EXOC6B: variants seen among roughly 807,000 people sequenced by gnomAD.
The protein encoded by EXOC6B is SEC15 homolog B.
Under a neutral mutation model 113.5 loss-of-function variants are expected in EXOC6B, and 54 were observed. The observed-to-expected ratio is 0.48, with a 90% CI of 0.38 to 0.60. EXOC6B has a LOEUF of 0.60. EXOC6B is among the 20% of genes least tolerant of loss of function. EXOC6B has a pLI of 0.00. For synonymous variants in EXOC6B, 357 were observed against 339.0 expected (o/e 1.05, Z -0.58); for missense variants, 797 against 977.5 (o/e 0.82, Z 2.46).
At chr2:72,192,133 C>A (rs1435831266) in intron 20 of EXOC6B, among the ~76,000 whole-genome samples, 6 of 152,144 alleles carry the variant, frequency 3.9e-5, no homozygotes, top group African/African-American at 1.4e-4. Context: ...TGAGCCTCAT[C>A]TCCCACGTAG....
rs529045876 is a variant in EXOC6B, at chr2:72,486,649, C to T, written c.1665+5669G>A. Among the ~76,000 whole-genome samples, 4 of 152,222 alleles carry T rather than the reference C, an allele frequency of 2.6e-5. No homozygotes were observed. The South Asian group carries it at 6.2e-4, about 24-fold the overall frequency. ...ACCATAATACTTACCCAACCACTAC[C>T]ATTTGCATTCACACACTCTGATTCT... On this transcript the variant is annotated intron_variant, in intron 16 of 21. Coordinates refer to ENST00000272427, the MANE Select transcript of EXOC6B (RefSeq NM_015189.3).
At chr2:72,744,145 G>C (rs1033293700) in intron 1 of EXOC6B, among the ~76,000 whole-genome samples, 1 of 152,154 alleles carries the variant, frequency 6.6e-6, no homozygotes, top group African/African-American at 2.4e-5. Flanking sequence ...ATATAGCCTA[G>C]GTGTGTAGTA....
chr2:72,797,325 T>C (rs1358458589), intron 1 of EXOC6B, among the ~76,000 whole-genome samples: 1 of 152,220 alleles, frequency 6.6e-6, no homozygotes, highest in Non-Finnish European at 1.5e-5. Flanking sequence ...TCTCCGATCC[T>C]CTCAGAAAAG....
At chr2:72,320,037 A>G (rs2104824620) in intron 20 of EXOC6B, among the ~76,000 whole-genome samples, 1 of 152,042 alleles carries the variant, frequency 6.6e-6, no homozygotes, top group Admixed American at 6.5e-5. Flanking sequence ...GGGTTTCACC[A>G]TGTTGGCCAG....
intron 6 of EXOC6B, among the ~76,000 whole-genome samples, chr2:72,590,922 T>G (rs1054007812): frequency 6.6e-6 from 1 of 151,838 alleles, no homozygotes; most frequent in Admixed American, 6.6e-5. Context: ...AAAAATTGAG[T>G]TTTGATGAAC....
At chr2:72,807,129 G>A (rs1024674439) in intron 1 of EXOC6B, among the ~76,000 whole-genome samples, 6 of 152,002 alleles carry the variant, frequency 3.9e-5, no homozygotes, top group African/African-American at 4.8e-5. Flanking sequence ...TCCTAGGTTC[G>A]CTTCCAGAGT....
rs1346575499 is a variant in EXOC6B, at chr2:72,177,556, C to A, written c.*1779G>T. 2.0e-5 allele frequency: 3 copies of A among 152,256 alleles called. No homozygotes were observed. Among genetic ancestry groups the A allele is most frequent in the Admixed American group, 2.0e-4 (3 of 15,282 alleles). 9.4% of individuals were successfully genotyped at this position (152,256 alleles called of 1,614,324 possible). A position where few individuals can be genotyped will look rare whatever the true frequency, so the allele number is the denominator to read the frequency against. The stretch of plus-strand genomic sequence containing the variant: ...CTCATCCCTTACCCTCATTCTGAAA[C>A]CCTGGCCAACCATCCAGCCCTCAGG... On this transcript the variant is annotated 3_prime_UTR_variant, in exon 22 of 22. Coordinates refer to ENST00000272427, the MANE Select transcript of EXOC6B (RefSeq NM_015189.3).
chr2:72,278,908 G>T (rs1288094056), intron 20 of EXOC6B, among the ~76,000 whole-genome samples: 1 of 152,088 alleles, frequency 6.6e-6, no homozygotes, highest in East Asian at 1.9e-4. Flanking sequence ...TATCCACAAG[G>T]CTCAAGGATA....
At chr2:72,652,212 A>G (rs1674285982) in intron 6 of EXOC6B, among the ~76,000 whole-genome samples, 1 of 152,104 alleles carries the variant, frequency 6.6e-6, no homozygotes, top group South Asian at 2.1e-4. Context: ...AGCCTGAGTA[A>G]TTATACCTAA....
At chr2:72,300,125 C>A (rs1029907968) in intron 20 of EXOC6B, among the ~76,000 whole-genome samples, 1 of 152,162 alleles carries the variant, frequency 6.6e-6, no homozygotes, top group East Asian at 1.9e-4. Flanking sequence ...TGCCCACAGG[C>A]GCCCCTTCTC....
rs1400467979 is a variant in EXOC6B at position 72,465,240 on chromosome 2, A to C, written c.1900T>G (p.Leu634Val). Reference protein sequence around the residue: ...LADYDWMTGDLGNKASDYLVD... With the variant: ...LADYDWMTGDVGNKASDYLVD... ...AGGTAATCACTAGCTTTGTTGCCCA[A>C]ATCTCCGGTCATCCAGTCATAGTCT... The change falls in exon 18 of 22, where the codon TTG becomes GTG. Residue 634 changes from leucine (L) to valine (V), a missense_variant. Physicochemically the swap from Leu to Val is conservative, Grantham distance 32. Coordinates refer to ENST00000272427, the MANE Select transcript of EXOC6B (RefSeq NM_015189.3). The C allele has an allele frequency of 6.2e-7, 1 of 1,611,424 alleles. No individual in the cohort carries two copies. The highest frequency in any genetic ancestry group is 1.3e-5 in the African/African-American group (1 of 75,028).
intron 11 of EXOC6B, among the ~76,000 whole-genome samples, chr2:72,508,356 AG>A (rs998187123): frequency 3.6e-4 from 55 of 152,156 alleles, no homozygotes; most frequent in African/African-American, 1.3e-3. Context: ...CTCAATTTTT[AG>A]GGGTGTGGAC....
rs1677830265 is a variant in EXOC6B at position 72,177,834 on chromosome 2, G to A, written c.*1501C>T. The A allele has an allele frequency of 6.6e-6, 1 of 152,160 alleles. No individual in the cohort carries two copies. The highest frequency in any genetic ancestry group is 2.1e-4 in the South Asian group (1 of 4,830). 9.4% of individuals were successfully genotyped at this position (152,160 alleles called of 1,614,324 possible). On this transcript the variant is annotated 3_prime_UTR_variant, in exon 22 of 22. Transcript: ENST00000272427. ...CAATCCAAGCTGGAAATGCCTGTGT[G>A]GCTTATTTGTCATTGTTTGGTGATG...
intron 18 of EXOC6B, among the ~76,000 whole-genome samples, chr2:72,393,329 C>T (rs1193265359): frequency 6.6e-6 from 1 of 151,944 alleles, no homozygotes; most frequent in African/African-American, 2.4e-5. Context: ...CTCCTGACCT[C>T]GTGATCCACC....
chr2:72,401,464 A>T (rs1453605527), intron 18 of EXOC6B, among the ~76,000 whole-genome samples: 5 of 127,920 alleles, frequency 3.9e-5, no homozygotes, highest in Non-Finnish European at 6.5e-5. Flanking sequence ...CTCCGTATTT[A>T]AAAAAAAAAC....
chr2:72,641,179 A>T (rs889993745), intron 6 of EXOC6B, among the ~76,000 whole-genome samples: 2 of 152,174 alleles, frequency 1.3e-5, no homozygotes, highest in African/African-American at 2.4e-5. Flanking sequence ...TGCATTTCCA[A>T]CTGAGGTACC....
intron 18 of EXOC6B, among the ~76,000 whole-genome samples, chr2:72,398,784 T>C (rs1482980567): frequency 1.3e-5 from 2 of 149,096 alleles, no homozygotes; most frequent in Non-Finnish European, 3.0e-5. Flanking sequence ...CTCTGGAACA[T>C]CCTGATTACT....
intron 8 of EXOC6B, among the ~76,000 whole-genome samples, chr2:72,531,072 A>G (rs1382287935): frequency 6.6e-6 from 1 of 152,120 alleles, no homozygotes; most frequent in Non-Finnish European, 1.5e-5. Flanking sequence ...ACAATTATTC[A>G]CATGTTAGGG....
chr2:72,785,215 C>T (rs1345618757), intron 1 of EXOC6B, among the ~76,000 whole-genome samples: 2 of 152,200 alleles, frequency 1.3e-5, no homozygotes, highest in Non-Finnish European at 2.9e-5. Flanking sequence ...CAGGGTACAG[C>T]CTCCCTCTCA....
Sources: gnomAD v4.1 joint callset for allele counts (sites outside exome capture counted in the v4.1 genomes callset) on GRCh38, gnomAD v4.1.1 for gene constraint, MANE v1.5 for transcripts, NCBI Gene and HGNC (gene_info 2026-07-23, HGNC 2026-07-21) for gene names.